Variants in SYT16 observed in about 807,000 individuals in gnomAD.
The protein encoded by SYT16 is synaptotagmin-16.
Under a neutral mutation model 61.4 loss-of-function variants are expected in SYT16, and 42 were observed. The ratio of observed to expected loss-of-function variants is 0.68; its 90% CI spans 0.53 to 0.89. SYT16 has a LOEUF of 0.89. SYT16 is among the 40% of genes least tolerant of loss of function. The probability of loss-of-function intolerance (pLI) is 0.00; values close to 1 mark genes in which losing one functional copy is unlikely to be tolerated. For synonymous variants in SYT16, 314 were observed against 302.3 expected, an observed-to-expected ratio of 1.04 and a Z score of -0.40; for missense variants, 804 against 807.3, an observed-to-expected ratio of 1.00 and a Z score of 0.05.
rs544706676 is a variant in SYT16, at chr14:61,958,088, A to G, written c.-324-12044A>G. On this transcript the variant is annotated intron_variant, in intron 1 of 7. Transcript: ENST00000683842. ...CTAATTCATTTATATGTAATTATTCATAATATTCATTTATGATTCTTTTTA... is the reference window on the plus strand; with the variant it reads ...CTAATTCATTTATATGTAATTATTCGTAATATTCATTTATGATTCTTTTTA... 2.0e-5 allele frequency among the ~76,000 whole-genome samples: 3 copies of G among 151,922 alleles called. No individual in the cohort carries two copies. In the South Asian group the frequency reaches 6.2e-4, roughly 31 times the overall value.
intron 5 of SYT16, among the ~76,000 whole-genome samples, chr14:62,078,155 C>CTCTATATATATATATATATATATATATA (rs766089633): frequency 1.5e-5 from 2 of 135,932 alleles, no homozygotes; most frequent in Admixed American, 7.3e-5. Context: ...CTCTCTCTCT[C>CTCTATATATATATATATATATATATATA]TATATATATA....
At chr14:61,921,285 T>G (rs537608355) in intron 1 of SYT16, among the ~76,000 whole-genome samples, 1 of 152,268 alleles carries the variant, frequency 6.6e-6, no homozygotes, top group South Asian at 2.1e-4. Context: ...AACCTTCCCC[T>G]CCTGCCCGGG....
chr14:61,852,300 T>C (rs150616001), intron 1 of SYT16, among the ~76,000 whole-genome samples: 24,672 of 152,114 alleles, frequency 0.16, 2,236 homozygotes, highest in African/African-American at 0.26. Flanking sequence ...GTACCAGTAC[T>C]GTGCTGTTTT....
rs1176269272 is a variant in SYT16 at position 61,844,555 on chromosome 14, T to G, written c.-325+31745T>G. On this transcript the variant is annotated intron_variant, in intron 1 of 7. Coordinates refer to ENST00000683842, the MANE Select transcript of SYT16 (RefSeq NM_001367656.1). ...ATGGCTTTTATTATGTTGAGGTATG[T>G]TCCTCTATACCCATTTTTTTAGAGT... 2.6e-5 allele frequency among the ~76,000 whole-genome samples: 4 copies of G among 152,178 alleles called. No homozygotes were observed. The South Asian group carries it at 8.3e-4, about 31-fold the overall frequency.
chr14:61,984,242 C>T (rs1173676593), intron 2 of SYT16, among the ~76,000 whole-genome samples: 1 of 152,020 alleles, frequency 6.6e-6, no homozygotes, highest in Non-Finnish European at 1.5e-5. Context: ...ATGTCAGAGT[C>T]CTTTTAAATT....
At chr14:61,847,209 C>T (rs187677292) in intron 1 of SYT16, among the ~76,000 whole-genome samples, 131 of 152,194 alleles carry the variant, frequency 8.6e-4, no homozygotes, top group African/African-American at 3.0e-3. Flanking sequence ...GAAGTACTTC[C>T]TTTAGCATTT....
chr14:61,849,446 C>G (rs1046016393), intron 1 of SYT16, among the ~76,000 whole-genome samples: 1 of 152,106 alleles, frequency 6.6e-6, no homozygotes, highest in Non-Finnish European at 1.5e-5. Flanking sequence ...ATTTAGGACC[C>G]CAGAGCACTT....
intron 3 of SYT16, among the ~76,000 whole-genome samples, chr14:62,058,377 C>G (rs1368010312): frequency 7.2e-6 from 1 of 139,136 alleles, no homozygotes; most frequent in African/African-American, 2.7e-5. Flanking sequence ...AGGAGTCTCG[C>G]TCTGTCACCC....
intron 1 of SYT16, among the ~76,000 whole-genome samples, chr14:61,875,991 A>C (rs1382264966): frequency 6.6e-6 from 1 of 152,168 alleles, no homozygotes; most frequent in Admixed American, 6.5e-5. Context: ...ACCCAGTTCT[A>C]ACCTAGGGTT....
chr14:62,075,452 T>C, intron 5 of SYT16, 61 bp downstream of exon 5: 16 of 1,421,854 alleles, frequency 1.1e-5, no homozygotes, highest in Non-Finnish European at 1.0e-5. Context: ...CTTTCCACTC[T>C]CCTTTCTCAT....
intron 3 of SYT16, among the ~76,000 whole-genome samples, chr14:62,037,648 G>A (rs2054563363): frequency 6.6e-6 from 1 of 152,130 alleles, no homozygotes; most frequent in African/African-American, 2.4e-5. Context: ...TTATTACAAG[G>A]TGTTTCCTCA....
chr14:61,955,810 G>T (rs2050852151), intron 1 of SYT16, among the ~76,000 whole-genome samples: 2 of 151,966 alleles, frequency 1.3e-5, no homozygotes, highest in Non-Finnish European at 1.5e-5. Flanking sequence ...GTATGTACAA[G>T]CTAGATTGCT....
intron 3 of SYT16, among the ~76,000 whole-genome samples, chr14:62,037,956 T>C (rs549003148): frequency 2.6e-5 from 4 of 152,314 alleles, no homozygotes; most frequent in African/African-American, 9.6e-5. Context: ...ATGATCACCA[T>C]GTACATCTGC....
intron 7 of SYT16, among the ~76,000 whole-genome samples, chr14:62,095,306 A>G (rs2057233483): frequency 6.6e-6 from 1 of 152,040 alleles, no homozygotes; most frequent in African/African-American, 2.4e-5. Flanking sequence ...GTATAATAAG[A>G]AAAATAAATA....
At chr14:62,039,676 A>G (rs1322640686) in intron 3 of SYT16, among the ~76,000 whole-genome samples, 1 of 152,154 alleles carries the variant, frequency 6.6e-6, no homozygotes, top group Non-Finnish European at 1.5e-5. Context: ...AGAGCAATAT[A>G]AAGTTCTTTG....
At chr14:62,000,697 TA>T (rs1329687999) in intron 3 of SYT16, among the ~76,000 whole-genome samples, 1 of 151,968 alleles carries the variant, frequency 6.6e-6, no homozygotes. Context: ...GGGCTCATGT[TA>T]AAAAAAGGCT....
At chr14:61,900,727 A>C (rs566061716) in intron 1 of SYT16, among the ~76,000 whole-genome samples, 5 of 152,300 alleles carry the variant, frequency 3.3e-5, no homozygotes, top group Admixed American at 2.6e-4. Flanking sequence ...CCAGCCTTGC[A>C]TGGTGTTTTC....
chr14:61,964,502 G>A (rs191632176), intron 1 of SYT16, among the ~76,000 whole-genome samples: 1 of 152,294 alleles, frequency 6.6e-6, no homozygotes, highest in East Asian at 1.9e-4. Flanking sequence ...AACTTGAACA[G>A]ATGAAAAGTG....
At chr14:62,070,514 C>A (rs2056258155) in intron 4 of SYT16, among the ~76,000 whole-genome samples, 1 of 152,178 alleles carries the variant, frequency 6.6e-6, no homozygotes, top group Admixed American at 6.5e-5. Flanking sequence ...GCTAGGGCAG[C>A]CAGCTTGGGA....
Sources: allele counts gnomAD v4.1 joint callset (sites outside exome capture counted in the v4.1 genomes callset), GRCh38; gene constraint gnomAD v4.1.1; transcripts MANE v1.5; gene names NCBI Gene and HGNC (gene_info 2026-07-23, HGNC 2026-07-21).